Variants in FGD3 observed in about 807,000 individuals in gnomAD.
FGD3 encodes the protein FYVE, RhoGEF and PH domain containing 3, also known as FYVE, RhoGEF and PH domain-containing protein 3.
FGD3 carries 45 observed loss-of-function variants against 71.8 expected under a neutral mutation model. That is an observed-to-expected ratio of 0.63 (90% CI 0.49 to 0.80). The LOEUF is 0.80. Among genes scored for constraint, FGD3 ranks in the 30% least tolerant of loss-of-function variants. The pLI is 0.00. For synonymous variants in FGD3, 378 were observed against 392.8 expected (o/e 0.96, Z 0.44); for missense variants, 844 against 951.5 (o/e 0.89, Z 1.49).
Position 93,003,938 on chromosome 9 carries a change from G to A in FGD3, c.544-63G>A. ...GAGCGCCCTCACCTGTGGCCGAAGC[G>A]GGGCGGCAACTGTGCTCAGTGGAAG... On this transcript the variant is annotated intron_variant, in intron 4 of 17. Transcript: ENST00000375482. This position sits in a 1 kb window ranked among gnomAD's most constrained non-coding sequence, Gnocchi z 4.1. 2.5e-6 allele frequency: 4 copies of A among 1,594,558 alleles called. No individual in the cohort carries two copies. Among genetic ancestry groups the A allele is most frequent in the Non-Finnish European group, 3.4e-6 (4 of 1,166,542 alleles).
rs751926543 is a variant in FGD3, at chr9:93,022,409, C to T, written c.1557+20C>T. On this transcript the variant is annotated intron_variant, in intron 14 of 17. Coordinates refer to ENST00000375482, the MANE Select transcript of FGD3 (RefSeq NM_001083536.2). Reference sequence around the variant, plus strand: ...GCAGGGGTAAGTGCCCCATGCTCAGCGGTCAGCAGGGGTGAAAGGCAGAGC... The same window carrying T: ...GCAGGGGTAAGTGCCCCATGCTCAGTGGTCAGCAGGGGTGAAAGGCAGAGC... The T allele has an allele frequency of 1.1e-5, 17 of 1,609,090 alleles. No individual in the cohort carries two copies. The highest frequency in any genetic ancestry group is 3.3e-5 in the South Asian group (3 of 90,878).
chr9:92,950,309 C>T (rs1008283370), intron 1 of FGD3, among the ~76,000 whole-genome samples: 3 of 151,508 alleles, frequency 2.0e-5, no homozygotes, highest in African/African-American at 7.3e-5. Flanking sequence ...CCCAGCTACT[C>T]AGGAGGCTGA....
In FGD3 at chr9:92,955,141, G is replaced by A. The variant is rs572523628; in HGVS notation, c.-218+7412G>A. Among the ~76,000 whole-genome samples the A allele has an allele frequency of 6.6e-4, 100 of 152,284 alleles. 1 individual carries two copies. In the Middle Eastern group the frequency reaches 0.01, roughly 16 times the overall value. ...ATTGTAGAGGCCAGGAATGAGGCTG[G>A]GAGGCTGCAAGGGCCAGGTTCCAGC... On this transcript the variant is annotated intron_variant, in intron 1 of 17. Transcript: ENST00000375482.
intron 5 of FGD3, among the ~76,000 whole-genome samples, chr9:93,004,842 A>G (rs998809553): frequency 1.3e-5 from 2 of 152,128 alleles, no homozygotes; most frequent in African/African-American, 4.8e-5. Flanking sequence ...CTTGACTGGA[A>G]TGGGAGGCCA....
In FGD3 at chr9:93,003,854, G is replaced by A. The variant is rs1264673445; in HGVS notation, c.544-147G>A. The A allele has an allele frequency of 3.1e-6, 3 of 958,858 alleles. No homozygotes were observed. Among genetic ancestry groups the A allele is most frequent in the African/African-American group, 1.6e-5 (1 of 61,162 alleles). The allele number at this position is 958,858 out of a possible 1,614,324, so 59.4% of individuals were successfully genotyped here. ...TGTCTGAACCAGTTGGATGAAAAGG[G>A]AGGACAATAATTCTGAAATTCATTA... is the stretch of plus-strand genomic sequence containing the variant. On this transcript the variant is annotated intron_variant, in intron 4 of 17. Coordinates refer to ENST00000375482, the MANE Select transcript of FGD3 (RefSeq NM_001083536.2). The surrounding 1 kb of genome is among the most constrained non-coding windows in gnomAD (Gnocchi z 4.1).
intron 14 of FGD3, among the ~76,000 whole-genome samples, chr9:93,024,224 C>T (rs1862038117): frequency 6.6e-6 from 1 of 152,232 alleles, no homozygotes; most frequent in Non-Finnish European, 1.5e-5. Context: ...GCAATGTGTA[C>T]TCATAGTGTG....
intron 17 of FGD3, 147 bp downstream of exon 17, chr9:93,034,828 T>C (rs1564174808): frequency 5.2e-6 from 5 of 962,868 alleles, no homozygotes; most frequent in Non-Finnish European, 7.4e-6. Flanking sequence ...AGCGCAGGAT[T>C]CCCTCTGCTT....
chr9:92,981,368 CAAAAAA>C (rs11454338), intron 3 of FGD3, among the ~76,000 whole-genome samples: 4 of 111,778 alleles, frequency 3.6e-5, no homozygotes, highest in Admixed American at 1.9e-4. Flanking sequence ...ATTCCATCTC[CAAAAAA>C]AAAAAAAAAA....
In FGD3 at chr9:92,976,471, C is replaced by T; in HGVS notation, c.215C>T (p.Pro72Leu). The change falls in exon 3 of 18, where the codon CCC becomes CTC. Residue 72 changes from proline (P) to leucine (L), a missense_variant. Transcript: ENST00000375482. ...GAGCTGAGTGGTAGCTTAAAGATCC[C>T]CAACCGGGACAGCGGGATCGACAGT... Reference protein sequence around the residue: ...TGELSGSLKIPNRDSGIDSPS... With the variant: ...TGELSGSLKILNRDSGIDSPS... 6.2e-7 allele frequency: 1 copy of T among 1,612,028 alleles called. No individual in the cohort carries two copies. Among genetic ancestry groups the T allele is most frequent in the Non-Finnish European group, 8.5e-7 (1 of 1,179,528 alleles).
chr9:93,020,540 C>A, intron 13 of FGD3, 116 bp downstream of exon 13: 1 of 777,464 alleles, frequency 1.3e-6, no homozygotes, highest in Non-Finnish European at 2.2e-6. Context: ...TCCTGCTACA[C>A]CAGGGACCAG....
At chr9:93,010,916 G>C (rs557499837) in intron 7 of FGD3, among the ~76,000 whole-genome samples, 6 of 152,208 alleles carry the variant, frequency 3.9e-5, no homozygotes, top group Non-Finnish European at 8.8e-5. Flanking sequence ...GGCTGGTGGG[G>C]GCTGCTCCTG....
Position 92,958,318 on chromosome 9 carries a change from AT to A in FGD3, c.-218+10590del, listed in dbSNP as rs565497965. Among the ~76,000 whole-genome samples, 446 of 152,262 alleles carry A rather than the reference AT, an allele frequency of 2.9e-3. 4 individuals are homozygous for A. The highest frequency in any genetic ancestry group is 9.9e-3 in the African/African-American group (413 of 41,548). On this transcript the variant is annotated intron_variant, in intron 1 of 17. Coordinates refer to ENST00000375482, the MANE Select transcript of FGD3 (RefSeq NM_001083536.2). ...CCGGCCTTAAAGACTTAATTTTTTTATAGCAGTTTTACATTCACAGGAAAAT... is the reference window on the plus strand; with the variant it reads ...CCGGCCTTAAAGACTTAATTTTTTTAAGCAGTTTTACATTCACAGGAAAAT...
At chr9:92,995,531 G>A (rs1444474700) in intron 3 of FGD3, among the ~76,000 whole-genome samples, 1 of 152,224 alleles carries the variant, frequency 6.6e-6, no homozygotes, top group Non-Finnish European at 1.5e-5. Context: ...AGTGGTGAGA[G>A]AGGGCATCCC....
intron 1 of FGD3, among the ~76,000 whole-genome samples, chr9:92,959,747 T>C (rs1017113720): frequency 6.7e-6 from 1 of 150,292 alleles, no homozygotes; most frequent in African/African-American, 2.5e-5. Flanking sequence ...AATAAGACTG[T>C]ATAAAATGTC....
chr9:92,976,322 T>C lies in FGD3; in HGVS notation c.66T>C (p.Thr22=), dbSNP rs1430313829. 1.9e-6 allele frequency: 3 copies of C among 1,610,308 alleles called. No individual in the cohort carries two copies. The highest frequency in any genetic ancestry group is 1.7e-5 in the Admixed American group (1 of 59,750). ...TTGCTGCCCTAGGGATGCCAGACAC[T>C]GGGCCTGGCAGTTCCTCCCTAGGGA... ...GPIAALGMPD[T]GPGSSSLGKL... is the part of the protein sequence containing the mutation. The change falls in exon 3 of 18, where the codon ACT becomes ACC. Residue 22 remains threonine (T), a synonymous_variant. Transcript: ENST00000375482.
intron 3 of FGD3, among the ~76,000 whole-genome samples, chr9:92,984,766 T>C (rs1319723036): frequency 6.6e-6 from 1 of 152,064 alleles, no homozygotes; most frequent in Non-Finnish European, 1.5e-5. Flanking sequence ...GGGAAAGTGG[T>C]AATTGGTCTC....
chr9:93,006,385 T>C (rs767378523), intron 6 of FGD3, among the ~76,000 whole-genome samples: 12 of 152,146 alleles, frequency 7.9e-5, no homozygotes, highest in Non-Finnish European at 1.5e-5. Flanking sequence ...TTACAATAAC[T>C]CCCAGAGATG....
At chr9:92,998,132 A>C (rs1860719879) in intron 3 of FGD3, among the ~76,000 whole-genome samples, 1 of 152,046 alleles carries the variant, frequency 6.6e-6, no homozygotes, top group Admixed American at 6.6e-5. Context: ...TGGTCTTTTC[A>C]CATAGTCTCA....
chr9:92,999,420 C>T (rs1860773069), intron 3 of FGD3, among the ~76,000 whole-genome samples: 1 of 152,064 alleles, frequency 6.6e-6, no homozygotes. Flanking sequence ...CTTGTGCTTC[C>T]CGGGTGTGGC....
Sources: allele counts gnomAD v4.1 joint callset (sites outside exome capture counted in the v4.1 genomes callset), GRCh38; gene constraint gnomAD v4.1.1; non-coding constraint Gnocchi (gnomAD v3.1); transcripts MANE v1.5; gene names NCBI Gene and HGNC (gene_info 2026-07-23, HGNC 2026-07-21).